EPHA6: variants seen among roughly 807,000 people sequenced by gnomAD.
EPHA6 encodes the protein EPH receptor A6.
Under a neutral mutation model 112.0 loss-of-function variants are expected in EPHA6, and 50 were observed. That is an observed-to-expected ratio of 0.45 (90% CI 0.36 to 0.56). The LOEUF (loss-of-function observed/expected upper bound fraction) is 0.56. EPHA6 is among the 20% of genes least tolerant of loss of function. The pLI is 0.00. For synonymous variants in EPHA6, 529 were observed against 490.7 expected (o/e 1.08, Z -1.03); for missense variants, 1,280 against 1,417.4 (o/e 0.90, Z 1.56).
At chr3:97,447,901 C>A in intron 6 of EPHA6, 1 of 476,420 alleles carries the variant, frequency 2.1e-6, no homozygotes, top group Non-Finnish European at 2.8e-6. Context: ...AAATCTACTT[C>A]ACAGTCACTA....
chr3:97,172,447 A>T (rs2076728012), intron 3 of EPHA6, among the ~76,000 whole-genome samples: 1 of 152,076 alleles, frequency 6.6e-6, no homozygotes, highest in South Asian at 2.1e-4. Flanking sequence ...AGGAATAGAT[A>T]GTTCAAGCAA....
In EPHA6 at chr3:96,820,924, C is replaced by T. The variant is rs560453821; in HGVS notation, c.385+5916C>T. Among the ~76,000 whole-genome samples the T allele has an allele frequency of 2.2e-3, 340 of 151,856 alleles. 1 individual carries two copies. Among genetic ancestry groups the T allele is most frequent in the Non-Finnish European group, 2.3e-3 (154 of 67,878 alleles). On this transcript the variant is annotated intron_variant, in intron 1 of 17. Coordinates refer to ENST00000389672, the MANE Select transcript of EPHA6 (RefSeq NM_001080448.3). ...AATATTTGAGGATTTGACATATGTA[C>T]CAGTTTTATTCATCTCTATTATGAT...
chr3:97,728,019 T>A (rs1331926306), intron 15 of EPHA6, among the ~76,000 whole-genome samples: 2 of 151,746 alleles, frequency 1.3e-5, no homozygotes, highest in Non-Finnish European at 2.9e-5. Flanking sequence ...TCATAAAAAA[T>A]TAATTATACC....
At chr3:97,518,248 T>A (rs754717306) in intron 10 of EPHA6, among the ~76,000 whole-genome samples, 1 of 152,150 alleles carries the variant, frequency 6.6e-6, no homozygotes, top group Non-Finnish European at 1.5e-5. Context: ...CTCATGAACA[T>A]TTGTTATCTT....
intron 2 of EPHA6, among the ~76,000 whole-genome samples, chr3:96,961,152 G>A (rs912715343): frequency 6.6e-6 from 1 of 152,244 alleles, no homozygotes; most frequent in Non-Finnish European, 1.5e-5. Flanking sequence ...TCTGAGGTAA[G>A]GCCTCTGAAT....
intron 3 of EPHA6, among the ~76,000 whole-genome samples, chr3:97,029,156 G>C (rs183002795): frequency 9.8e-4 from 149 of 151,736 alleles, no homozygotes; most frequent in African/African-American, 3.2e-3. Flanking sequence ...AGAAACAAAA[G>C]TTAGTAAATA....
chr3:97,480,767 C>T (rs1004131380), intron 9 of EPHA6, among the ~76,000 whole-genome samples: 52 of 152,200 alleles, frequency 3.4e-4, no homozygotes, highest in African/African-American at 1.1e-3. Flanking sequence ...GACGGGGTGG[C>T]GGCCGGGCAG....
chr3:97,244,419 G>T (rs956122761), intron 5 of EPHA6, 132 bp downstream of exon 5: 6 of 713,200 alleles, frequency 8.4e-6, no homozygotes, highest in East Asian at 2.6e-5. Flanking sequence ...TAATGCACTG[G>T]TTGTTGTTCT....
intron 6 of EPHA6, among the ~76,000 whole-genome samples, chr3:97,429,805 A>T (rs1216963936): frequency 6.6e-6 from 1 of 152,210 alleles, no homozygotes; most frequent in African/African-American, 2.4e-5. Context: ...TAGTTAGTAG[A>T]TATTTGTAAT....
intron 3 of EPHA6, among the ~76,000 whole-genome samples, chr3:97,070,962 G>T (rs2046331426): frequency 6.6e-6 from 1 of 152,028 alleles, no homozygotes; most frequent in South Asian, 2.1e-4. Flanking sequence ...TTTATTCATA[G>T]AATTAACTTT....
At chr3:97,699,089 A>T (rs1420358394) in intron 14 of EPHA6, among the ~76,000 whole-genome samples, 1 of 152,192 alleles carries the variant, frequency 6.6e-6, no homozygotes, top group Non-Finnish European at 1.5e-5. Flanking sequence ...TAATCACTGT[A>T]AAAGAGAATA....
chr3:96,829,522 A>AT (rs145196948), intron 1 of EPHA6, among the ~76,000 whole-genome samples: 2,188 of 152,236 alleles, frequency 0.014, 60 homozygotes, highest in African/African-American at 0.05. Context: ...TGTGCCCTTC[A>AT]TAAGTACCCA....
intron 5 of EPHA6, among the ~76,000 whole-genome samples, chr3:97,293,856 C>A (rs1266577839): frequency 6.6e-6 from 1 of 152,246 alleles, no homozygotes; most frequent in African/African-American, 2.4e-5. Flanking sequence ...GGAGTGCCTG[C>A]AAGCCTGTGC....
chr3:97,538,461 TTTAG>T (rs1342202812), intron 11 of EPHA6, among the ~76,000 whole-genome samples: 2 of 152,166 alleles, frequency 1.3e-5, no homozygotes, highest in Non-Finnish European at 1.5e-5. Flanking sequence ...GTCTGTGACA[TTTAG>T]TTAAAGACTT....
At chr3:97,169,471 T>A (rs76642700) in intron 3 of EPHA6, among the ~76,000 whole-genome samples, 13 of 152,246 alleles carry the variant, frequency 8.5e-5, no homozygotes, top group Non-Finnish European at 1.8e-4. Context: ...CCCTTCCTGA[T>A]AATCTTCCTC....
intron 6 of EPHA6, among the ~76,000 whole-genome samples, chr3:97,415,111 A>G (rs566351837): frequency 6.7e-4 from 102 of 152,176 alleles, no homozygotes; most frequent in Non-Finnish European, 1.2e-3. Flanking sequence ...ATTGATTCTC[A>G]TACAATGAAG....
At chr3:96,901,760 A>G (rs897456270) in intron 2 of EPHA6, among the ~76,000 whole-genome samples, 1 of 152,144 alleles carries the variant, frequency 6.6e-6, no homozygotes, top group Non-Finnish European at 1.5e-5. Context: ...CCCTGCAAGT[A>G]TAATTATGTT....
chr3:97,456,446 T>C (rs559584546), intron 7 of EPHA6, among the ~76,000 whole-genome samples: 1 of 152,226 alleles, frequency 6.6e-6, no homozygotes, highest in South Asian at 2.1e-4. Flanking sequence ...CCTCTTATAT[T>C]GCTTTGCATG....
chr3:97,086,862 T>A (rs919513328), intron 3 of EPHA6, among the ~76,000 whole-genome samples: 7 of 152,316 alleles, frequency 4.6e-5, no homozygotes, highest in Non-Finnish European at 7.4e-5. Context: ...ATAGATTTTT[T>A]AAAAGTTTTT....
Sources: allele counts gnomAD v4.1 joint callset (sites outside exome capture counted in the v4.1 genomes callset), GRCh38; gene constraint gnomAD v4.1.1; transcripts MANE v1.5; gene names NCBI Gene and HGNC (gene_info 2026-07-23, HGNC 2026-07-21).